Variants in SPARCL1 observed in about 807,000 individuals in gnomAD.
SPARCL1 encodes the protein SPARC like 1.
A neutral mutation model predicts 67.1 loss-of-function variants in SPARCL1; 52 were observed. The ratio of observed to expected loss-of-function variants is 0.78; its 90% CI spans 0.62 to 0.98. The LOEUF is 0.98. SPARCL1 is among the 50% of genes least tolerant of loss of function. The pLI, the probability that SPARCL1 is intolerant of heterozygous loss-of-function variation, is 0.00. For missense variants in SPARCL1, 717 were observed against 782.4 expected, an observed-to-expected ratio of 0.92 and a Z score of 1.00; for synonymous variants, 226 against 267.8, an observed-to-expected ratio of 0.84 and a Z score of 1.52.
At chr4:87,473,826 A>G in intron 10 of SPARCL1, 23 bp from the exon 11 acceptor site, 1 of 1,580,754 alleles carries the variant, frequency 6.3e-7, no homozygotes. Flanking sequence ...AAGAAGCAAA[A>G]TGACACTTTT....
At chr4:87,526,632 T>C (rs1408775467) in intron 1 of SPARCL1, among the ~76,000 whole-genome samples, 1 of 152,228 alleles carries the variant, frequency 6.6e-6, no homozygotes, top group African/African-American at 2.4e-5. Context: ...CCAGATGCAT[T>C]GGACTCTGAA....
chr4:87,526,943 G>A (rs911921405), intron 1 of SPARCL1, among the ~76,000 whole-genome samples: 1 of 152,132 alleles, frequency 6.6e-6, no homozygotes, highest in Non-Finnish European at 1.5e-5. Context: ...AGAGACTGAG[G>A]CACAAAGAGA....
intron 5 of SPARCL1, among the ~76,000 whole-genome samples, chr4:87,491,306 A>T (rs1228292093): frequency 1.3e-5 from 2 of 152,260 alleles, no homozygotes; most frequent in Admixed American, 1.3e-4. Context: ...TAAATTCATC[A>T]GCAAGTTACA....
At chr4:87,491,211 C>T (rs1005389391) in intron 5 of SPARCL1, among the ~76,000 whole-genome samples, 2 of 152,114 alleles carry the variant, frequency 1.3e-5, no homozygotes, top group Non-Finnish European at 1.5e-5. Flanking sequence ...CAACGTTGTG[C>T]AAGCTGGTCA....
intron 7 of SPARCL1, among the ~76,000 whole-genome samples, chr4:87,487,921 C>T (rs992731143): frequency 8.5e-5 from 13 of 152,246 alleles, no homozygotes; most frequent in African/African-American, 1.4e-4. Flanking sequence ...ACGAAGTTCT[C>T]GTGCTGTGTT....
At chr4:87,507,544 G>A (rs6812158) in intron 1 of SPARCL1, among the ~76,000 whole-genome samples, 67,806 of 151,632 alleles carry the variant, frequency 0.45, 15,773 homozygotes, top group East Asian at 0.75. Flanking sequence ...TCTGGGTGTG[G>A]AAAATCTCTA....
chr4:87,521,042 T>A (rs886524554), intron 1 of SPARCL1, among the ~76,000 whole-genome samples: 1 of 152,212 alleles, frequency 6.6e-6, no homozygotes, highest in Non-Finnish European at 1.5e-5. Context: ...TTCGGTACTA[T>A]GGTTTATTTT....
chr4:87,496,883 CT>C (rs993405714), intron 2 of SPARCL1, among the ~76,000 whole-genome samples: 1 of 151,716 alleles, frequency 6.6e-6, no homozygotes, highest in African/African-American at 2.4e-5. Flanking sequence ...TATTTTTAAA[CT>C]TTTTTTTGAG....
At chr4:87,499,000 G>A (rs777176095) in intron 2 of SPARCL1, among the ~76,000 whole-genome samples, 7 of 151,620 alleles carry the variant, frequency 4.6e-5, no homozygotes, top group African/African-American at 7.3e-5. Flanking sequence ...TCAGCCTCCC[G>A]AGTAGCTGGG....
intron 5 of SPARCL1, among the ~76,000 whole-genome samples, chr4:87,491,139 G>C (rs1724309737): frequency 6.6e-6 from 1 of 152,140 alleles, no homozygotes; most frequent in South Asian, 2.1e-4. Flanking sequence ...TTGGATTGGA[G>C]ATGTGCAAAG....
intron 1 of SPARCL1, among the ~76,000 whole-genome samples, chr4:87,508,031 G>A (rs1212882751): frequency 6.6e-6 from 1 of 152,202 alleles, no homozygotes; most frequent in African/African-American, 2.4e-5. Flanking sequence ...AACCTCCATA[G>A]GTTCAGTTAT....
At chr4:87,502,265 C>T (rs1043444871) in intron 1 of SPARCL1, among the ~76,000 whole-genome samples, 1 of 152,106 alleles carries the variant, frequency 6.6e-6, no homozygotes, top group African/African-American at 2.4e-5. Context: ...GCATATCCAT[C>T]ACCTCAAACA....
At chr4:87,482,623 A>G (rs772677410) in intron 7 of SPARCL1, 63 bp from the exon 8 acceptor site, 2 of 1,579,626 alleles carry the variant, frequency 1.3e-6, no homozygotes, top group African/African-American at 1.3e-5. Context: ...GCAAGTCCTC[A>G]TAATAGGAAG....
In SPARCL1 at chr4:87,489,314, T is replaced by C. The variant is rs114695299; in HGVS notation, c.1531+959A>G. The stretch of plus-strand genomic sequence containing the variant: ...GAATGCACTGTCTTTCGCAGCACAG[T>C]CCCTCACAGCTTCCCTTCGCTAGGG... On this transcript the variant is annotated intron_variant, in intron 7 of 10. Coordinates refer to ENST00000282470, the MANE Select transcript of SPARCL1 (RefSeq NM_004684.6). Among the ~76,000 whole-genome samples the C allele has an allele frequency of 8.5e-3, 1,291 of 152,240 alleles. 17 individuals carry two copies. Among genetic ancestry groups the C allele is most frequent in the African/African-American group, 0.027 (1,133 of 41,562 alleles).
At chr4:87,501,763 C>T (rs1417326453) in intron 1 of SPARCL1, among the ~76,000 whole-genome samples, 1 of 152,008 alleles carries the variant, frequency 6.6e-6, no homozygotes, top group Non-Finnish European at 1.5e-5. Context: ...TTATATATTT[C>T]AGTTCTGGGG....
intron 5 of SPARCL1, 135 bp downstream of exon 5, chr4:87,491,483 G>A (rs1724322810): frequency 1.3e-6 from 1 of 752,810 alleles, no homozygotes; most frequent in Admixed American, 1.8e-5. Context: ...ATTTATGGGA[G>A]CATTTCCTTG....
At chr4:87,504,633 C>T (rs1387029032) in intron 1 of SPARCL1, among the ~76,000 whole-genome samples, 2 of 152,090 alleles carry the variant, frequency 1.3e-5, no homozygotes, top group East Asian at 1.9e-4. Context: ...CCCACTCCAG[C>T]TTTTTTCTAG....
intron 1 of SPARCL1, among the ~76,000 whole-genome samples, chr4:87,525,176 A>AG (rs1725989216): frequency 6.6e-6 from 1 of 151,682 alleles, no homozygotes; most frequent in South Asian, 2.1e-4. Flanking sequence ...AAAAAAAAAA[A>AG]TACAATGATC....
In SPARCL1 at chr4:87,483,083, G is replaced by GT. The variant is rs35089335; in HGVS notation, c.1532-524dup. ...CTCCCCAGAGCTCAGGATCACTGCCGTTTTTTTTTTTTTTTAATTATACTT... is the reference window on the plus strand; with the variant it reads ...CTCCCCAGAGCTCAGGATCACTGCCGTTTTTTTTTTTTTTTTAATTATACTT... On this transcript the variant is annotated intron_variant, in intron 7 of 10. Transcript: ENST00000282470. Among the ~76,000 whole-genome samples the GT allele has an allele frequency of 9.7e-3, 1,399 of 143,864 alleles. 14 individuals carry two copies. Among genetic ancestry groups the GT allele is most frequent in the Admixed American group, 0.033 (479 of 14,424 alleles). The allele number at this position is 143,864 out of a possible 152,430, so 94.4% of individuals were successfully genotyped here. A position where few individuals can be genotyped will look rare whatever the true frequency, so the allele number is the denominator to read the frequency against.
Sources: allele counts gnomAD v4.1 joint callset (sites outside exome capture counted in the v4.1 genomes callset), GRCh38; gene constraint gnomAD v4.1.1; transcripts MANE v1.5; gene names NCBI Gene and HGNC (gene_info 2026-07-23, HGNC 2026-07-21).